The following CREB5 variants were observed in gnomAD, a reference collection of about 807,000 sequenced individuals.
CREB5 encodes the protein cAMP responsive element binding protein 5.
In CREB5, 19 loss-of-function variants were observed where a neutral mutation model predicts 57.1. That is an observed-to-expected ratio of 0.33 (90% confidence interval 0.23 to 0.49). The LOEUF is 0.49. CREB5 is among the 20% of genes least tolerant of loss of function. The probability of loss-of-function intolerance (pLI) is 0.99; values close to 1 mark genes in which losing one functional copy is unlikely to be tolerated. For synonymous variants in CREB5, 238 were observed against 238.3 expected, an observed-to-expected ratio of 1.00 and a Z score of 0.01; for missense variants, 579 against 671.6, an observed-to-expected ratio of 0.86 and a Z score of 1.52.
At chr7:28,485,688 G>A (rs1791517663) in intron 1 of CREB5, among the ~76,000 whole-genome samples, 1 of 152,138 alleles carries the variant, frequency 6.6e-6, no homozygotes, top group Non-Finnish European at 1.5e-5. Flanking sequence ...TGGTCAGGCA[G>A]ATGAAAGCTA....
chr7:28,377,811 A>G (rs918148513), intron 1 of CREB5, among the ~76,000 whole-genome samples: 2 of 151,848 alleles, frequency 1.3e-5, no homozygotes, highest in East Asian at 1.9e-4. Flanking sequence ...GGGCTCCTGT[A>G]GTCCCAGCTA....
At chr7:28,631,647 C>A (rs984222010) in intron 5 of CREB5, among the ~76,000 whole-genome samples, 9 of 152,118 alleles carry the variant, frequency 5.9e-5, no homozygotes, top group African/African-American at 2.2e-4. Context: ...TCACTGCAAC[C>A]TCCGCCTCCC....
intron 5 of CREB5, among the ~76,000 whole-genome samples, chr7:28,577,858 A>G (rs1458921121): frequency 6.6e-6 from 1 of 152,222 alleles, no homozygotes; most frequent in East Asian, 1.9e-4. Flanking sequence ...GTGTGTGACT[A>G]GGTATAGCTT....
chr7:28,773,037 G>A (rs185102953), intron 7 of CREB5, among the ~76,000 whole-genome samples: 1 of 150,940 alleles, frequency 6.6e-6, no homozygotes, highest in African/African-American at 2.5e-5. Flanking sequence ...CAGGGTTTTC[G>A]AGAGCTTTAG....
chr7:28,728,857 G>A (rs1370724334), intron 7 of CREB5, among the ~76,000 whole-genome samples: 3 of 152,192 alleles, frequency 2.0e-5, no homozygotes, highest in Non-Finnish European at 4.4e-5. Flanking sequence ...AGCCTATCAA[G>A]AGTAGTTGAC....
At chr7:28,809,073 G>A (rs1354626995) in intron 8 of CREB5, 114 bp from the exon 9 acceptor site, 7 of 935,148 alleles carry the variant, frequency 7.5e-6, no homozygotes, top group Non-Finnish European at 9.8e-6. Flanking sequence ...CTCATATGCT[G>A]ACTGAAACGA....
chr7:28,789,996 G>T (rs1057465990), intron 7 of CREB5, among the ~76,000 whole-genome samples: 2 of 152,230 alleles, frequency 1.3e-5, no homozygotes, highest in African/African-American at 4.8e-5. Context: ...TGTAGACCCA[G>T]ATTGAATTTA....
intron 5 of CREB5, among the ~76,000 whole-genome samples, chr7:28,585,540 A>G (rs1796274643): frequency 6.6e-6 from 1 of 152,196 alleles, no homozygotes; most frequent in African/African-American, 2.4e-5. Context: ...ATGTTTTTGA[A>G]AAAGGAAGTA....
intron 4 of CREB5, among the ~76,000 whole-genome samples, chr7:28,530,148 G>A (rs1330132691): frequency 6.6e-6 from 1 of 152,240 alleles, no homozygotes; most frequent in Non-Finnish European, 1.5e-5. Context: ...TAGAACAGGA[G>A]CAAAAGCAAT....
chr7:28,483,019 T>C (rs1451449237), intron 1 of CREB5, among the ~76,000 whole-genome samples: 5 of 152,252 alleles, frequency 3.3e-5, no homozygotes, highest in Non-Finnish European at 7.3e-5. Flanking sequence ...GTAATGGCTT[T>C]CTACAATTTA....
At chr7:28,621,959 C>A (rs893497620) in intron 5 of CREB5, among the ~76,000 whole-genome samples, 3 of 152,158 alleles carry the variant, frequency 2.0e-5, no homozygotes, top group African/African-American at 7.2e-5. Context: ...TTTCCTAATA[C>A]TTCTGCCAAT....
chr7:28,534,214 T>C (rs564116784), intron 4 of CREB5, among the ~76,000 whole-genome samples: 2 of 152,336 alleles, frequency 1.3e-5, no homozygotes, highest in South Asian at 4.1e-4. Context: ...GGCTCTTGGC[T>C]CATTTTCAAA....
intron 10 of CREB5, chr7:28,818,840 A>G (rs1024589957): frequency 3.7e-6 from 2 of 545,754 alleles, no homozygotes; most frequent in South Asian, 1.6e-5. Context: ...AAAAGACAAA[A>G]TGGGGAAGTT....
chr7:28,638,249 TAAAG>T (rs977053723), intron 5 of CREB5, among the ~76,000 whole-genome samples: 7 of 127,276 alleles, frequency 5.5e-5, no homozygotes, highest in Admixed American at 1.6e-4. Context: ...ATTGCTATCT[TAAAG>T]AAAGAAACTA....
At chr7:28,560,855 TGTGCGTGTGCCTGCGTGC>T (rs1795108571) in intron 4 of CREB5, among the ~76,000 whole-genome samples, 2 of 56,386 alleles carry the variant, frequency 3.5e-5, no homozygotes, top group East Asian at 6.8e-4. Flanking sequence ...CGCGTGTGTG[TGTGCGTGTGCCTGCGTGC>T]GCGTGCGTGC....
At chr7:28,328,884 C>A (rs2127986067) in intron 1 of CREB5, among the ~76,000 whole-genome samples, 1 of 152,284 alleles carries the variant, frequency 6.6e-6, no homozygotes, top group Admixed American at 6.5e-5. Context: ...TTGGCTGTCA[C>A]TGTATACACT....
intron 5 of CREB5, among the ~76,000 whole-genome samples, chr7:28,701,002 T>G (rs1020484636): frequency 3.4e-5 from 5 of 148,814 alleles, no homozygotes; most frequent in African/African-American, 1.2e-4. Flanking sequence ...GTGAGTAAAG[T>G]AGACAGTCTA....
intron 5 of CREB5, among the ~76,000 whole-genome samples, chr7:28,607,419 A>G (rs528218625): frequency 1.1e-4 from 17 of 152,328 alleles, no homozygotes; most frequent in African/African-American, 4.1e-4. Flanking sequence ...GAGGCCTTCC[A>G]GGCACTGGAA....
At chr7:28,334,018 G>A (rs1785766551) in intron 1 of CREB5, among the ~76,000 whole-genome samples, 1 of 152,174 alleles carries the variant, frequency 6.6e-6, no homozygotes, top group African/African-American at 2.4e-5. Flanking sequence ...CACCAACGGT[G>A]TTTCCTTTTC....
Sources: gnomAD v4.1 joint callset for allele counts (sites outside exome capture counted in the v4.1 genomes callset) on GRCh38, gnomAD v4.1.1 for gene constraint, MANE v1.5 for transcripts, NCBI Gene and HGNC (gene_info 2026-07-23, HGNC 2026-07-21) for gene names.